The following TIAM1 variants were observed in gnomAD, a reference collection of about 807,000 sequenced individuals.
TIAM1 encodes rho guanine nucleotide exchange factor TIAM1.
A neutral mutation model predicts 163.5 loss-of-function variants in TIAM1; 65 were observed. The observed-to-expected ratio is 0.40, with a 90% CI of 0.33 to 0.49. The LOEUF (loss-of-function observed/expected upper bound fraction) is 0.49, where lower values mean the gene tolerates loss of function less well. Ranked by LOEUF, TIAM1 falls within the 20% of genes least tolerant of loss-of-function variation. The pLI is 0.77. For missense variants in TIAM1, 1,789 were observed against 2,044.7 expected, an observed-to-expected ratio of 0.87 and a Z score of 2.41; for synonymous variants, 833 against 810.1, an observed-to-expected ratio of 1.03 and a Z score of -0.48.
At chr21:31,164,200 C>T (rs930916494) in intron 16 of TIAM1, among the ~76,000 whole-genome samples, 3 of 152,128 alleles carry the variant, frequency 2.0e-5, no homozygotes, top group Non-Finnish European at 4.4e-5. Flanking sequence ...ACCATCCTGG[C>T]TAACACGGTG....
chr21:31,408,435 C>T (rs1427938412), intron 2 of TIAM1, among the ~76,000 whole-genome samples: 1 of 152,200 alleles, frequency 6.6e-6, no homozygotes, highest in East Asian at 1.9e-4. Flanking sequence ...AAATTACGGA[C>T]TCTCTTTCCC....
chr21:31,288,655 G>A (rs2073905130), intron 2 of TIAM1, among the ~76,000 whole-genome samples: 1 of 152,130 alleles, frequency 6.6e-6, no homozygotes, highest in African/African-American at 2.4e-5. Context: ...AGATCAGGGA[G>A]GATATTGGAA....
chr21:31,321,595 C>T (rs1414557691), intron 2 of TIAM1, among the ~76,000 whole-genome samples: 1 of 151,682 alleles, frequency 6.6e-6, no homozygotes, highest in Non-Finnish European at 1.5e-5. Context: ...AGGTGATCCA[C>T]CTGCCTCGGC....
chr21:31,161,177 C>A (rs1194226305), intron 16 of TIAM1, among the ~76,000 whole-genome samples: 2 of 151,934 alleles, frequency 1.3e-5, no homozygotes, highest in Non-Finnish European at 2.9e-5. Context: ...AAAAGTCATT[C>A]CTAATGGAAA....
intron 15 of TIAM1, among the ~76,000 whole-genome samples, chr21:31,181,447 T>G (rs2085007964): frequency 6.7e-6 from 1 of 150,050 alleles, no homozygotes; most frequent in Non-Finnish European, 1.5e-5. Context: ...CAGGTGGCAC[T>G]CACGCTGCTT....
Position 31,118,526 on chromosome 21 carries a change from C to T in TIAM1, c.*1842G>A. On this transcript the variant is annotated 3_prime_UTR_variant, in exon 28 of 28. Transcript: ENST00000541036. ...AGCTTATAAAAGAAATATATAAGAACTTTTGACATAGACACGTCATGACCT... is the reference window on the plus strand; with the variant it reads ...AGCTTATAAAAGAAATATATAAGAATTTTTGACATAGACACGTCATGACCT... 2.2e-6 allele frequency: 1 copy of T among 459,370 alleles called. No homozygotes were observed. The highest frequency in any genetic ancestry group is 4.5e-6 in the Non-Finnish European group (1 of 224,242). 28.5% of individuals were successfully genotyped at this position (459,370 alleles called of 1,614,324 possible). A position where few individuals can be genotyped will look rare whatever the true frequency, so the allele number is the denominator to read the frequency against.
intron 2 of TIAM1, among the ~76,000 whole-genome samples, chr21:31,328,487 C>G (rs974895535): frequency 6.6e-6 from 1 of 152,110 alleles, no homozygotes; most frequent in Non-Finnish European, 1.5e-5. Flanking sequence ...CCTCCCACCT[C>G]AGCCTCCTGA....
intron 2 of TIAM1, among the ~76,000 whole-genome samples, chr21:31,350,095 C>T (rs1010716888): frequency 2.0e-5 from 3 of 152,170 alleles, no homozygotes; most frequent in East Asian, 1.9e-4. Context: ...GCACTAGTTA[C>T]GTGTCAGATA....
At chr21:31,335,537 T>C (rs1400300703) in intron 2 of TIAM1, among the ~76,000 whole-genome samples, 1 of 152,004 alleles carries the variant, frequency 6.6e-6, no homozygotes, top group African/African-American at 2.4e-5. Flanking sequence ...AAACCCTGTC[T>C]CTATTAAAAA....
chr21:31,385,651 A>G (rs1183223171), intron 2 of TIAM1, among the ~76,000 whole-genome samples: 1 of 151,600 alleles, frequency 6.6e-6, no homozygotes, highest in Non-Finnish European at 1.5e-5. Flanking sequence ...TAAGGGGGTA[A>G]TGTATATTCC....
chr21:31,252,250 C>A (rs1286080145), intron 4 of TIAM1, 61 bp from the exon 5 acceptor site: 2 of 1,542,228 alleles, frequency 1.3e-6, no homozygotes, highest in African/African-American at 1.4e-5. Context: ...AACCCAGGGT[C>A]ACGTGGAGAA....
At chr21:31,241,683 G>A (rs1191381438) in intron 6 of TIAM1, among the ~76,000 whole-genome samples, 2 of 152,014 alleles carry the variant, frequency 1.3e-5, no homozygotes, top group African/African-American at 4.8e-5. Flanking sequence ...AACCAAAAAA[G>A]TATGAGACAT....
chr21:31,296,097 C>A (rs1042817298), intron 2 of TIAM1, among the ~76,000 whole-genome samples: 16 of 152,116 alleles, frequency 1.1e-4, no homozygotes, highest in African/African-American at 3.1e-4. Context: ...CCGCACCCGG[C>A]CAACTCCGAA....
At chr21:31,257,870 C>A (rs995543293) in intron 4 of TIAM1, among the ~76,000 whole-genome samples, 1 of 152,050 alleles carries the variant, frequency 6.6e-6, no homozygotes, top group African/African-American at 2.4e-5. Context: ...AACTACCATG[C>A]CAACCTCTCC....
intron 13 of TIAM1, among the ~76,000 whole-genome samples, chr21:31,194,358 C>T (rs2085741369): frequency 6.6e-6 from 1 of 152,074 alleles, no homozygotes; most frequent in Non-Finnish European, 1.5e-5. Flanking sequence ...CTTGGGGACC[C>T]CCCTACACAC....
At chr21:31,335,435 AG>A (rs1246581087) in intron 2 of TIAM1, among the ~76,000 whole-genome samples, 1 of 152,176 alleles carries the variant, frequency 6.6e-6, no homozygotes, top group Non-Finnish European at 1.5e-5. Flanking sequence ...AACTCAAGCC[AG>A]GTGCGGTGGC....
At chr21:31,182,276 C>T (rs529887955) in intron 15 of TIAM1, 145 bp downstream of exon 15, 59 of 596,832 alleles carry the variant, frequency 9.9e-5, no homozygotes, top group Non-Finnish European at 1.3e-4. Flanking sequence ...AAATGCAGGG[C>T]CAGTCATCAG....
intron 1 of TIAM1, among the ~76,000 whole-genome samples, chr21:31,547,696 A>G (rs1164984092): frequency 6.6e-6 from 1 of 152,246 alleles, no homozygotes; most frequent in Non-Finnish European, 1.5e-5. Flanking sequence ...TTATTTGAAC[A>G]TTCACACATC....
chr21:31,317,051 C>T (rs1003257231), intron 2 of TIAM1, among the ~76,000 whole-genome samples: 4 of 152,186 alleles, frequency 2.6e-5, no homozygotes, highest in Non-Finnish European at 5.9e-5. Context: ...CTTGCTGAAC[C>T]CTTTGTTTGT....
Sources: allele counts gnomAD v4.1 joint callset (sites outside exome capture counted in the v4.1 genomes callset), GRCh38; gene constraint gnomAD v4.1.1; transcripts MANE v1.5; gene names NCBI Gene and HGNC (gene_info 2026-07-23, HGNC 2026-07-21).